SACS: variants seen among roughly 807,000 people sequenced by gnomAD.
SACS encodes the protein sacsin molecular chaperone, also known as sacsin.
A neutral mutation model predicts 348.0 loss-of-function variants in SACS; 197 were observed. The ratio of observed to expected loss-of-function variants is 0.57; its 90% CI spans 0.50 to 0.64. SACS has a LOEUF of 0.64. Ranked by LOEUF, SACS falls within the 30% of genes least tolerant of loss-of-function variation. The probability of loss-of-function intolerance (pLI) is 0.00; values close to 1 mark genes in which losing one functional copy is unlikely to be tolerated. For missense variants in SACS, 4,999 were observed against 5,360.8 expected (o/e 0.93, Z 2.11); for synonymous variants, 1,985 against 1,910.6 (o/e 1.04, Z -1.02).
chr13:23,365,094 A>C (rs1243915115), intron 6 of SACS, 72 bp downstream of exon 6: 3 of 953,044 alleles, frequency 3.1e-6, no homozygotes, highest in Non-Finnish European at 5.0e-6. Context: ...TCATTAAACA[A>C]AGCATTATTA....
chr13:23,355,545 A>G lies in SACS; in HGVS notation c.1067T>C (p.Ile356Thr), dbSNP rs149444716. 18 of 1,614,140 alleles carry G rather than the reference A, an allele frequency of 1.1e-5. No individual in the cohort carries two copies. The African/African-American group carries it at 2.0e-4, about 18-fold the overall frequency. Reference sequence around the variant, plus strand: ...TGGAGTCTTTTTACAATAGTTACTTATAGCAGTTCCCAGAATCTTTATAGA... The same window carrying G: ...TGGAGTCTTTTTACAATAGTTACTTGTAGCAGTTCCCAGAATCTTTATAGA... The part of the protein sequence containing the change: ...PNSIKILGTA[I>T]SNYCKKTPSN... The change falls in exon 8 of 10, where the codon ATA (isoleucine) becomes ACA (threonine). Residue 356 changes from isoleucine to threonine, a missense_variant. Ile to Thr is a moderately conservative substitution (Grantham distance 89, BLOSUM62 -1). Transcript: ENST00000382292.
chr13:23,361,095 G>A (rs997911609), intron 6 of SACS, among the ~76,000 whole-genome samples: 6 of 152,002 alleles, frequency 3.9e-5, no homozygotes, highest in East Asian at 3.9e-4. Flanking sequence ...ACCCTACAAC[G>A]TCAGTGCAAC....
chr13:23,335,076 A>AAG lies in SACS; in HGVS notation c.8799_8800insCT (p.Phe2934LeufsTer20). On this transcript the variant is annotated frameshift_variant, in exon 10 of 10. Coordinates refer to ENST00000382292, the MANE Select transcript of SACS (RefSeq NM_014363.6). LOFTEE classifies it high-confidence loss of function. This position sits in a 1 kb window ranked among gnomAD's most constrained non-coding sequence, Gnocchi z 4.7. The stretch of plus-strand genomic sequence containing the variant: ...GATAATGTTGGATCAGAACCAGGGA[A>AAG]ATACCGTTTTTTTAACTGTATTAGC... 2 of 1,613,536 alleles carry AAG rather than the reference A, an allele frequency of 1.2e-6. No homozygotes were observed. Among genetic ancestry groups the AAG allele is most frequent in the Non-Finnish European group, 8.5e-7 (1 of 1,179,574 alleles).
rs147949881 is a variant in SACS, at chr13:23,336,924, C to T, written c.6952G>A (p.Ala2318Thr). The T allele has an allele frequency of 3.3e-4, 534 of 1,613,750 alleles. No individual in the cohort carries two copies. The highest frequency in any genetic ancestry group is 4.4e-4 in the South Asian group (40 of 91,064). Residue 2318 changes from alanine to threonine, a missense_variant, in exon 10 of 10, where the codon GCT becomes ACT. This residue lies in a region of SACS where 3,156 missense variants were observed against 3,380.1 expected (regional missense o/e 0.93). Transcript: ENST00000382292. ...ITLYQENITN[A>T]CYKYLHEALM... ...GCTTCATGAAGGTATTTGTAGCAAG[C>T]ATTGGTGATATTCTCCTGGTACAGT...
chr13:23,410,230 C>G (rs1274365279), intron 2 of SACS, among the ~76,000 whole-genome samples: 1 of 152,190 alleles, frequency 6.6e-6, no homozygotes, highest in Non-Finnish European at 1.5e-5. Context: ...TCTCACATGA[C>G]TTCTCATAAT....
chr13:23,339,387 T>C lies in SACS; in HGVS notation c.4489A>G (p.Ile1497Val), dbSNP rs746789288. 11 of 1,612,526 alleles carry C rather than the reference T, an allele frequency of 6.8e-6. No homozygotes were observed. In the South Asian group the frequency reaches 1.1e-4, roughly 16 times the overall value. The change falls in exon 10 of 10, where the codon ATT (isoleucine) becomes GTT (valine). Residue 1497 changes from isoleucine to valine, a missense_variant. Ile to Val is a conservative substitution (Grantham distance 29). Coordinates refer to ENST00000382292, the MANE Select transcript of SACS (RefSeq NM_014363.6). ...DANATECSFLIDMRRNMDIRE... is the reference protein window; with the variant it reads ...DANATECSFLVDMRRNMDIRE... ...ATGTCCATATTTCTTCTCATATCAA[T>C]CAAGAAACTGCATTCTGTTGCATTT...
chr13:23,428,269 A>G (rs373201915), intron 1 of SACS: 1 of 152,240 alleles, frequency 6.6e-6, no homozygotes, highest in African/African-American at 2.4e-5. Flanking sequence ...AAGGAGCCAA[A>G]TGCAGACAGA....
Position 23,329,012 on chromosome 13 carries a change from TCATTTACAGCCAGTA to T in SACS, c.*1109_*1123del, listed in dbSNP as rs1176863255. The T allele has an allele frequency of 1.9e-5, 3 of 157,002 alleles. No individual in the cohort carries two copies. Among genetic ancestry groups the T allele is most frequent in the Non-Finnish European group, 2.8e-5 (2 of 71,184 alleles). The allele number at this position is 157,002 out of a possible 1,614,324, so 9.7% of individuals were successfully genotyped here. ...TTAATTGCATAAAGTATATTTAGCA[TCATTTACAGCCAGTA>T]CACTTATATAAACTAATTATCATTA... is the stretch of plus-strand genomic sequence containing the variant. On this transcript the variant is annotated 3_prime_UTR_variant, in exon 10 of 10. Coordinates refer to ENST00000382292, the MANE Select transcript of SACS (RefSeq NM_014363.6).
chr13:23,338,399 G>C lies in SACS; in HGVS notation c.5477C>G (p.Thr1826Arg). ...CAGGGAAAACTTCAGAGCCTCTCCTGTGTCCATGCAAGTACACAGAAGCCA... is the reference window on the plus strand; with the variant it reads ...CAGGGAAAACTTCAGAGCCTCTCCTCTGTCCATGCAAGTACACAGAAGCCA... ...TTWLLCTCMDTGEALKFSLSE... is the reference protein window; with the variant it reads ...TTWLLCTCMDRGEALKFSLSE... Residue 1826 changes from threonine (T) to arginine (R), a missense_variant, in exon 10 of 10, where the codon ACA becomes AGA. Coordinates refer to ENST00000382292, the MANE Select transcript of SACS (RefSeq NM_014363.6). The C allele has an allele frequency of 6.2e-7, 1 of 1,614,068 alleles. No individual in the cohort carries two copies. The highest frequency in any genetic ancestry group is 1.1e-5 in the South Asian group (1 of 91,080).
chr13:23,361,772 C>G (rs1466198661), intron 6 of SACS, among the ~76,000 whole-genome samples: 1 of 151,066 alleles, frequency 6.6e-6, no homozygotes, highest in South Asian at 2.1e-4. Flanking sequence ...AACAAAACTC[C>G]GTTTCGAAAA....
At chr13:23,387,967 G>A (rs977879177) in intron 2 of SACS, among the ~76,000 whole-genome samples, 1 of 152,054 alleles carries the variant, frequency 6.6e-6, no homozygotes, top group African/African-American at 2.4e-5. Flanking sequence ...GCATGTATGC[G>A]GTGAAAAGGA....
intron 2 of SACS, among the ~76,000 whole-genome samples, chr13:23,384,685 C>T (rs1216528757): frequency 6.6e-6 from 1 of 152,038 alleles, no homozygotes; most frequent in African/African-American, 2.4e-5. Context: ...AAAAACAGGG[C>T]CCAAGGGGAG....
chr13:23,413,266 C>G (rs534326556), intron 1 of SACS, among the ~76,000 whole-genome samples: 4 of 152,336 alleles, frequency 2.6e-5, no homozygotes, highest in African/African-American at 9.6e-5. Flanking sequence ...GCATGAGCCA[C>G]TGCGCCCGGC....
rs558393381 is a variant in SACS at position 23,353,178 on chromosome 13, A to G, written c.2185+607T>C. Among the ~76,000 whole-genome samples the G allele has an allele frequency of 1.1e-4, 16 of 152,312 alleles. No individual in the cohort carries two copies. In the South Asian group the frequency reaches 3.3e-3, roughly 32 times the overall value. On this transcript the variant is annotated intron_variant, in intron 9 of 9. Transcript: ENST00000382292. ...AAAATTACTGTCTTTTCCTAAAAGG[A>G]CACCTATCAGACACCCATCACTTTA...
At chr13:23,346,010 A>C (rs1289779369) in intron 9 of SACS, among the ~76,000 whole-genome samples, 1 of 152,084 alleles carries the variant, frequency 6.6e-6, no homozygotes, top group African/African-American at 2.4e-5. Flanking sequence ...CTTCCTCTGC[A>C]CACCCAGGAC....
chr13:23,423,560 A>T (rs904768873), intron 1 of SACS, among the ~76,000 whole-genome samples: 1 of 152,216 alleles, frequency 6.6e-6, no homozygotes, highest in Non-Finnish European at 1.5e-5. Flanking sequence ...TGCAGAGATT[A>T]TTAGGCCTCT....
At chr13:23,341,984 T>C (rs1869286972) in intron 9 of SACS, among the ~76,000 whole-genome samples, 1 of 151,924 alleles carries the variant, frequency 6.6e-6, no homozygotes, top group Non-Finnish European at 1.5e-5. Context: ...AGACGGGGTT[T>C]CACCATGTTA....
At chr13:23,413,798 A>G (rs191288794) in intron 1 of SACS, among the ~76,000 whole-genome samples, 2 of 152,196 alleles carry the variant, frequency 1.3e-5, no homozygotes, top group Non-Finnish European at 2.9e-5. Flanking sequence ...TAATTCATGA[A>G]ATTTTGATTG....
rs139387396 is a variant in SACS at position 23,338,891 on chromosome 13, G to T, written c.4985C>A (p.Thr1662Lys). 3 of 1,613,020 alleles carry T rather than the reference G, an allele frequency of 1.9e-6. No homozygotes were observed. Among genetic ancestry groups the T allele is most frequent in the Non-Finnish European group, 1.7e-6 (2 of 1,179,684 alleles). ...ATAAATATCTGCTGTATTGTAGCAC[G>T]TACTACTAACTTCACTCACTTTTGC... ...QEAKVSEVSS[T>K]CYNTADIYSL... is the part of the protein sequence containing the mutation. Residue 1662 changes from threonine (T) to lysine (K), a missense_variant, in exon 10 of 10, where the codon ACG (threonine) becomes AAG (lysine). Physicochemically the swap from Thr to Lys is moderately conservative, Grantham distance 78. Transcript: ENST00000382292.
Sources: gnomAD v4.1 joint callset for allele counts (sites outside exome capture counted in the v4.1 genomes callset) on GRCh38, gnomAD v4.1.1 for gene constraint, gnomAD v4.1.1 regional missense constraint, Gnocchi (gnomAD v3.1) non-coding constraint, MANE v1.5 for transcripts, NCBI Gene and HGNC (gene_info 2026-07-23, HGNC 2026-07-21) for gene names.